EXOSC7: variants seen among roughly 807,000 people sequenced by gnomAD.
EXOSC7 encodes exosome component 7, also known as exosome complex component RRP42.
A neutral mutation model predicts 34.3 loss-of-function variants in EXOSC7; 25 were observed. The ratio of observed to expected loss-of-function variants is 0.73; its 90% CI spans 0.53 to 1.02. EXOSC7 has a LOEUF of 1.02. EXOSC7 is among the 50% of genes least tolerant of loss of function. EXOSC7 has a pLI of 0.00. For synonymous variants in EXOSC7, 130 were observed against 143.0 expected (o/e 0.91, Z 0.65); for missense variants, 370 against 368.5 (o/e 1.00, Z -0.03).
intron 5 of EXOSC7, chr3:45,004,355 A>C (rs1410435743): frequency 1.3e-5 from 2 of 151,924 alleles, no homozygotes; most frequent in African/African-American, 4.8e-5. Flanking sequence ...TCCCAGGTTC[A>C]AGCGATTCTC....
chr3:44,992,897 T>C (rs1706611240), intron 3 of EXOSC7, among the ~76,000 whole-genome samples: 1 of 152,226 alleles, frequency 6.6e-6, no homozygotes, highest in South Asian at 2.1e-4. Flanking sequence ...CATTTTTCAT[T>C]CATAAATGTT....
At chr3:44,993,983 T>G (rs1408332346) in intron 3 of EXOSC7, among the ~76,000 whole-genome samples, 1 of 152,156 alleles carries the variant, frequency 6.6e-6, no homozygotes, top group Non-Finnish European at 1.5e-5. Flanking sequence ...CTGACTAATG[T>G]TAGACTATAA....
At position 45,005,360 on chromosome 3, in the gene EXOSC7, T is replaced by C. The variant is rs755079073; in HGVS notation, c.561T>C (p.Tyr187=). The C allele has an allele frequency of 2.3e-5, 37 of 1,614,004 alleles. No homozygotes were observed. The highest frequency in any genetic ancestry group is 3.1e-5 in the Non-Finnish European group (36 of 1,179,954). Residue 187 remains tyrosine, a synonymous_variant, in exon 6 of 8, where the codon TAT becomes TAC. Transcript: ENST00000265564. ...ACATTGAATTGTCAGATGACCCTTA[T>C]GACTGCATACGACTAAGTGTGGAGA... ...SKDIELSDDP[Y]DCIRLSVENV...
intron 6 of EXOSC7, 36 bp downstream of exon 6, chr3:45,005,450 T>A (rs571004265): frequency 2.1e-5 from 34 of 1,607,548 alleles, no homozygotes; most frequent in Non-Finnish European, 2.7e-5. Context: ...GTCTTCCCTG[T>A]GGGTGTGGGT....
At chr3:44,989,712 C>G in intron 3 of EXOSC7, 68 bp downstream of exon 3, 1 of 1,319,782 alleles carries the variant, frequency 7.6e-7, no homozygotes, top group Non-Finnish European at 1.1e-6. Context: ...AGAAAATGAA[C>G]CTCTGGTTTG....
intron 1 of EXOSC7, among the ~76,000 whole-genome samples, chr3:44,984,056 G>A (rs1706344171): frequency 6.6e-6 from 1 of 152,178 alleles, no homozygotes; most frequent in South Asian, 2.1e-4. Context: ...TGAATTAAAG[G>A]CTGGAAAAGC....
intron 7 of EXOSC7, among the ~76,000 whole-genome samples, chr3:45,007,863 A>G (rs1053992111): frequency 6.6e-6 from 1 of 152,176 alleles, no homozygotes; most frequent in Non-Finnish European, 1.5e-5. Context: ...TTGGACTTTC[A>G]TAATGTAAAG....
At chr3:45,006,477 T>C (rs7626303) in intron 6 of EXOSC7, among the ~76,000 whole-genome samples, 78,409 of 135,984 alleles carry the variant, frequency 0.58, 23,164 homozygotes, top group East Asian at 0.88. Flanking sequence ...ACTGCAGTGG[T>C]GCAATCTCGG....
intron 4 of EXOSC7, among the ~76,000 whole-genome samples, chr3:45,000,287 G>C (rs1009540150): frequency 1.1e-4 from 16 of 152,146 alleles, no homozygotes; most frequent in African/African-American, 3.6e-4. Flanking sequence ...CTTCCTCATA[G>C]CACCCCTTCT....
intron 3 of EXOSC7, among the ~76,000 whole-genome samples, chr3:44,991,883 A>G (rs1383163163): frequency 6.6e-6 from 1 of 152,144 alleles, no homozygotes; most frequent in Non-Finnish European, 1.5e-5. Context: ...GGACAGTCTC[A>G]AAGTGGCACA....
intron 1 of EXOSC7, among the ~76,000 whole-genome samples, chr3:44,983,483 T>A (rs1289459128): frequency 6.6e-6 from 1 of 152,232 alleles, no homozygotes; most frequent in East Asian, 1.9e-4. Flanking sequence ...AACTGGCATG[T>A]GACAACAGAG....
Position 44,976,277 on chromosome 3 carries a change from C to T in EXOSC7, c.-1C>T, listed in dbSNP as rs777575298. 3.2e-6 allele frequency: 5 copies of T among 1,559,806 alleles called. No individual in the cohort carries two copies. Among genetic ancestry groups the T allele is most frequent in the Non-Finnish European group, 4.3e-6 (5 of 1,159,320 alleles). On this transcript the variant is annotated 5_prime_UTR_variant, in exon 1 of 8. Transcript: ENST00000265564. Reference sequence around the variant, plus strand: ...TGCGGCTCGTGGGGCAGCTCGGCAGCATGGCGTCCGTGACGCTGAGCGAGG... The same window carrying T: ...TGCGGCTCGTGGGGCAGCTCGGCAGTATGGCGTCCGTGACGCTGAGCGAGG...
At chr3:44,992,866 A>G (rs907753117) in intron 3 of EXOSC7, among the ~76,000 whole-genome samples, 1 of 152,168 alleles carries the variant, frequency 6.6e-6, no homozygotes, top group Non-Finnish European at 1.5e-5. Flanking sequence ...TTGGGTTTTT[A>G]ACTAGGGGAG....
At chr3:44,996,148 CA>C (rs1380914746) in intron 3 of EXOSC7, among the ~76,000 whole-genome samples, 1 of 152,194 alleles carries the variant, frequency 6.6e-6, no homozygotes, top group Non-Finnish European at 1.5e-5. Context: ...TCCAGATGGG[CA>C]AGGGGTCAGA....
intron 3 of EXOSC7, among the ~76,000 whole-genome samples, chr3:44,996,852 A>T (rs143119394): frequency 6.6e-6 from 1 of 152,198 alleles, no homozygotes; most frequent in Non-Finnish European, 1.5e-5. Context: ...GTTAGATGCT[A>T]TTGGGAAATC....
rs148076825 is a variant in EXOSC7, at chr3:45,005,399, T to A, written c.600T>A (p.Ile200=). The change falls in exon 6 of 8, where the codon ATT becomes ATA. Residue 200 remains isoleucine, a synonymous_variant. Coordinates refer to ENST00000265564, the MANE Select transcript of EXOSC7 (RefSeq NM_015004.4). ...TAAGTGTGGAGAATGTCCCCTGCAT[T>A]GTCACTCTGTGCAAGGTATAACTTG... is the stretch of plus-strand genomic sequence containing the variant. ...IRLSVENVPC[I]VTLCKIGYRH... 1.5e-4 allele frequency: 235 copies of A among 1,614,148 alleles called. 4 individuals are homozygous for A. Among genetic ancestry groups the A allele is most frequent in the African/African-American group, 8.3e-4 (62 of 75,038 alleles).
chr3:45,008,569 G>A (rs1013948784), intron 7 of EXOSC7, among the ~76,000 whole-genome samples: 5 of 152,130 alleles, frequency 3.3e-5, no homozygotes, highest in Non-Finnish European at 5.9e-5. Context: ...TGCAAAGTGG[G>A]ACTGATAATA....
At chr3:44,997,581 G>A (rs1181930561) in intron 4 of EXOSC7, among the ~76,000 whole-genome samples, 1 of 152,184 alleles carries the variant, frequency 6.6e-6, no homozygotes, top group Non-Finnish European at 1.5e-5. Context: ...CAGAATTTAA[G>A]CAGGTTGGTA....
rs1180163730 is a variant in EXOSC7 at position 44,976,307 on chromosome 3, G to A, written c.30G>A (p.Glu10=). The A allele has an allele frequency of 6.4e-7, 1 of 1,566,038 alleles. No homozygotes were observed. Among genetic ancestry groups the A allele is most frequent in the Non-Finnish European group, 8.6e-7 (1 of 1,162,584 alleles). Residue 10 remains glutamate (E), a synonymous_variant, in exon 1 of 8, where the codon GAG becomes GAA. Coordinates refer to ENST00000265564, the MANE Select transcript of EXOSC7 (RefSeq NM_015004.4). ...CGTCCGTGACGCTGAGCGAGGCGGA[G>A]AAGGTGTACATCGTGCATGGCGTCC... is the stretch of plus-strand genomic sequence containing the variant. MASVTLSEA[E]KVYIVHGVQE...
Sources: allele counts gnomAD v4.1 joint callset (sites outside exome capture counted in the v4.1 genomes callset), GRCh38; gene constraint gnomAD v4.1.1; transcripts MANE v1.5; gene names NCBI Gene and HGNC (gene_info 2026-07-23, HGNC 2026-07-21).